SMG6: variants seen among roughly 807,000 people sequenced by gnomAD.
The protein encoded by SMG6 is telomerase-binding protein EST1A.
A neutral mutation model predicts 142.2 loss-of-function variants in SMG6; 66 were observed. That is an observed-to-expected ratio of 0.46 (90% CI 0.38 to 0.57). The LOEUF (loss-of-function observed/expected upper bound fraction) is 0.57. SMG6 is among the 20% of genes least tolerant of loss of function. The pLI is 0.00. For missense variants in SMG6, 1,793 were observed against 1,832.0 expected (o/e 0.98, Z 0.39); for synonymous variants, 779 against 702.4 (o/e 1.11, Z -1.72).
chr17:2,098,262 A>G (rs1383103518), intron 13 of SMG6, among the ~76,000 whole-genome samples: 1 of 152,224 alleles, frequency 6.6e-6, no homozygotes, highest in Non-Finnish European at 1.5e-5. Flanking sequence ...TTCGGACTAC[A>G]GGTGTGAGCC....
intron 13 of SMG6, among the ~76,000 whole-genome samples, chr17:2,098,990 A>G (rs1035389645): frequency 6.6e-6 from 1 of 151,966 alleles, no homozygotes; most frequent in Non-Finnish European, 1.5e-5. Flanking sequence ...TTCTCCCATT[A>G]ATCTGTCGTG....
chr17:2,075,929 G>C (rs2068245246), intron 15 of SMG6, among the ~76,000 whole-genome samples: 1 of 152,194 alleles, frequency 6.6e-6, no homozygotes, highest in Non-Finnish European at 1.5e-5. Flanking sequence ...CTGACCTCCA[G>C]TCGGCCCCAC....
chr17:2,137,544 C>G (rs1026079316), intron 13 of SMG6, among the ~76,000 whole-genome samples: 7 of 152,018 alleles, frequency 4.6e-5, no homozygotes, highest in African/African-American at 1.7e-4. Flanking sequence ...CTCATCACAG[C>G]TGTCAGGGTT....
At chr17:2,298,116 G>A in intron 2 of SMG6, 61 bp from the exon 3 acceptor site, 2 of 1,487,558 alleles carry the variant, frequency 1.3e-6, no homozygotes, top group Non-Finnish European at 1.8e-6. Context: ...CTAGACTCAA[G>A]TTTTGAGATT....
chr17:2,079,676 T>C (rs756187608), intron 15 of SMG6, among the ~76,000 whole-genome samples: 6 of 151,616 alleles, frequency 4.0e-5, no homozygotes, highest in Non-Finnish European at 7.4e-5. Flanking sequence ...CAAGTTTACA[T>C]GTAGACCCAC....
chr17:2,081,749 C>G (rs1162365527), intron 15 of SMG6, 61 bp downstream of exon 15: 2 of 1,590,472 alleles, frequency 1.3e-6, no homozygotes, highest in Non-Finnish European at 1.7e-6. Context: ...CTGCCCACAT[C>G]CTCTCATGCC....
At chr17:2,280,719 C>T (rs2074766421) in intron 8 of SMG6, 1 of 327,314 alleles carries the variant, frequency 3.1e-6, no homozygotes, top group African/African-American at 2.2e-5. Context: ...CAAATTACCA[C>T]GTTGTAGTCT....
At chr17:2,126,640 C>T (rs540035957) in intron 13 of SMG6, among the ~76,000 whole-genome samples, 21 of 147,282 alleles carry the variant, frequency 1.4e-4, no homozygotes, top group African/African-American at 5.0e-4. Context: ...CACTTGAACC[C>T]GGGAGGTGGA....
intron 12 of SMG6, among the ~76,000 whole-genome samples, chr17:2,178,502 T>A (rs992671565): frequency 6.6e-6 from 1 of 152,156 alleles, no homozygotes; most frequent in Non-Finnish European, 1.5e-5. Flanking sequence ...AAAGGGCAAA[T>A]CAAATTCTGA....
intron 10 of SMG6, among the ~76,000 whole-genome samples, chr17:2,229,715 T>C (rs544027784): frequency 2.0e-5 from 3 of 152,296 alleles, no homozygotes. Flanking sequence ...TTCTTCCTCA[T>C]ATAGGCATTT....
In SMG6 at chr17:2,104,728, A is replaced by G. The variant is rs1010835393; in HGVS notation, c.3358-18827T>C. On this transcript the variant is annotated intron_variant, in intron 13 of 18. Transcript: ENST00000263073. ...AATTATGTTATTTCATTTGATTATC[A>G]TGGTAATCCTGTGAGACAGGAAGAG... Among the ~76,000 whole-genome samples, 15 of 152,262 alleles carry G rather than the reference A, an allele frequency of 9.9e-5. No homozygotes were observed. The East Asian group carries it at 2.9e-3, about 29-fold the overall frequency.
chr17:2,188,971 G>A (rs902589907), intron 10 of SMG6, among the ~76,000 whole-genome samples: 7 of 152,022 alleles, frequency 4.6e-5, no homozygotes, highest in Admixed American at 1.3e-4. Flanking sequence ...CCCTGAACGC[G>A]CCCGATCTCG....
chr17:2,282,778 G>A lies in SMG6; in HGVS notation c.2530C>T (p.Arg844Trp), dbSNP rs758281954. The part of the protein sequence containing the change: ...QWRKGKKSTF[R>W]HVGDDTTRLE... ...CGAGTGGTGTCATCTCCAACATGCC[G>A]GAAAGTAGACTTCTTTCCTTTCCGC... Residue 844 changes from arginine (R) to tryptophan (W), a missense_variant, in exon 8 of 19, where the codon CGG becomes TGG. Arg to Trp is a moderately radical substitution (Grantham distance 101). This residue lies in a region of SMG6 where 1,597 missense variants were observed against 1,584.6 expected (regional missense o/e 1.01). Transcript: ENST00000263073. The A allele has an allele frequency of 9.9e-6, 16 of 1,614,030 alleles. No homozygotes were observed. Among genetic ancestry groups the A allele is most frequent in the South Asian group, 5.5e-5 (5 of 91,086 alleles).
At chr17:2,245,929 C>T (rs2073918565) in intron 8 of SMG6, among the ~76,000 whole-genome samples, 2 of 152,322 alleles carry the variant, frequency 1.3e-5, no homozygotes, top group African/African-American at 2.4e-5. Flanking sequence ...ATCCTCCTGC[C>T]TCAGCCTCTC....
At chr17:2,116,922 C>T (rs969454393) in intron 13 of SMG6, among the ~76,000 whole-genome samples, 2 of 151,664 alleles carry the variant, frequency 1.3e-5, no homozygotes, top group Non-Finnish European at 2.9e-5. Flanking sequence ...GGAACAGGCA[C>T]TCCCCAGAAG....
At chr17:2,063,603 C>G (rs776299540) in intron 18 of SMG6, among the ~76,000 whole-genome samples, 1 of 152,222 alleles carries the variant, frequency 6.6e-6, no homozygotes, top group African/African-American at 2.4e-5. Flanking sequence ...AACCACACTT[C>G]CCAACAAGGC....
intron 6 of SMG6, among the ~76,000 whole-genome samples, chr17:2,290,977 G>T (rs1007792270): frequency 6.6e-6 from 1 of 152,172 alleles, no homozygotes; most frequent in Non-Finnish European, 1.5e-5. Flanking sequence ...GGTTGTCAGG[G>T]GCTGAGGGGA....
intron 10 of SMG6, among the ~76,000 whole-genome samples, chr17:2,216,292 T>G (rs997627408): frequency 1.3e-5 from 2 of 152,068 alleles, no homozygotes; most frequent in African/African-American, 2.4e-5. Flanking sequence ...TAGGAATTTT[T>G]TTTACAGATT....
chr17:2,266,215 T>C, intron 8 of SMG6: 2 of 982,780 alleles, frequency 2.0e-6, no homozygotes, highest in South Asian at 4.7e-5. Context: ...TTCCGGATGG[T>C]AACTAAAGGT....
Sources: gnomAD v4.1 joint callset for allele counts (sites outside exome capture counted in the v4.1 genomes callset) on GRCh38, gnomAD v4.1.1 for gene constraint, gnomAD v4.1.1 regional missense constraint, MANE v1.5 for transcripts, NCBI Gene and HGNC (gene_info 2026-07-23, HGNC 2026-07-21) for gene names.